The following CD86 variants were observed in gnomAD, a reference collection of about 807,000 sequenced individuals.
The protein encoded by CD86 is CD86 molecule.
In CD86, 11 loss-of-function variants were observed where a neutral mutation model predicts 32.1. The ratio of observed to expected loss-of-function variants is 0.34; its 90% CI spans 0.22 to 0.57. CD86 has a LOEUF of 0.57. CD86 is among the 20% of genes least tolerant of loss of function. The pLI is 0.86. For synonymous variants in CD86, 137 were observed against 135.3 expected (o/e 1.01, Z -0.09); for missense variants, 359 against 398.4 (o/e 0.90, Z 0.84).
At chr3:122,116,637 AC>A (rs143455691) in intron 5 of CD86, among the ~76,000 whole-genome samples, 6,352 of 152,286 alleles carry the variant, frequency 0.042, 244 homozygotes, top group African/African-American at 0.099. Flanking sequence ...GCTTCATAAT[AC>A]CAAACCTGGC....
chr3:122,099,425 T>C (rs1026616398), intron 2 of CD86, among the ~76,000 whole-genome samples: 1 of 152,118 alleles, frequency 6.6e-6, no homozygotes, highest in Non-Finnish European at 1.5e-5. Context: ...CTAAAAGCAG[T>C]AGCACAAGGT....
intron 5 of CD86, among the ~76,000 whole-genome samples, chr3:122,112,420 G>A (rs988820989): frequency 6.6e-5 from 10 of 151,866 alleles, no homozygotes; most frequent in Non-Finnish European, 8.8e-5. Context: ...AGGTTCAAGC[G>A]ATTCTCCTGC....
At chr3:122,114,236 A>G (rs949088612) in intron 5 of CD86, among the ~76,000 whole-genome samples, 5 of 151,768 alleles carry the variant, frequency 3.3e-5, no homozygotes, top group Admixed American at 1.3e-4. Context: ...GGGTGACAGA[A>G]GATCAAGATT....
Position 122,098,254 on chromosome 3 carries a change from A to G in CD86, c.65-5258A>G, listed in dbSNP as rs938994477. ...ACAGAATGCCCAGGATGCTATCTTC[A>G]ATAGAATGGTTAGAGAAATCTCCCT... On this transcript the variant is annotated intron_variant, in intron 2 of 6. Transcript: ENST00000330540. Among the ~76,000 whole-genome samples, 3 of 152,366 alleles carry G rather than the reference A, an allele frequency of 2.0e-5. No individual in the cohort carries two copies. In the East Asian group the frequency reaches 5.8e-4, roughly 29 times the overall value.
At chr3:122,061,601 TAA>T (rs1157817798) in intron 1 of CD86, among the ~76,000 whole-genome samples, 1 of 152,074 alleles carries the variant, frequency 6.6e-6, no homozygotes, top group Non-Finnish European at 1.5e-5. Flanking sequence ...AACAACCATA[TAA>T]GAGAGTCAAC....
intron 2 of CD86, among the ~76,000 whole-genome samples, chr3:122,100,740 A>G (rs567152854): frequency 6.6e-6 from 1 of 152,302 alleles, no homozygotes; most frequent in South Asian, 2.1e-4. Flanking sequence ...TTACGAAGGC[A>G]TCTAGCTGGA....
chr3:122,087,119 C>T (rs530682891), intron 1 of CD86, among the ~76,000 whole-genome samples: 1 of 152,268 alleles, frequency 6.6e-6, no homozygotes, highest in Admixed American at 6.5e-5. Flanking sequence ...TCTGATGGGC[C>T]AGACATACAA....
intron 2 of CD86, among the ~76,000 whole-genome samples, chr3:122,102,711 T>C (rs2073030557): frequency 6.6e-6 from 1 of 152,144 alleles, no homozygotes; most frequent in African/African-American, 2.4e-5. Context: ...TTTTCAGCAT[T>C]TCACTCATGT....
At chr3:122,115,159 G>A (rs1167212770) in intron 5 of CD86, among the ~76,000 whole-genome samples, 1 of 152,130 alleles carries the variant, frequency 6.6e-6, no homozygotes, top group Non-Finnish European at 1.5e-5. Context: ...ATAAGTGAGT[G>A]TAGCAAAGAC....
At chr3:122,098,903 C>T (rs1377667363) in intron 2 of CD86, among the ~76,000 whole-genome samples, 2 of 152,066 alleles carry the variant, frequency 1.3e-5, no homozygotes, top group East Asian at 1.9e-4. Context: ...GGGGAGCATT[C>T]CTTGAGATAG....
intron 5 of CD86, among the ~76,000 whole-genome samples, chr3:122,117,055 T>C (rs530293150): frequency 1.1e-4 from 16 of 152,204 alleles, no homozygotes; most frequent in African/African-American, 3.6e-4. Flanking sequence ...ATTGTTTTTA[T>C]CTTTTATTTT....
chr3:122,112,558 G>A (rs532224505), intron 5 of CD86, among the ~76,000 whole-genome samples: 23 of 152,166 alleles, frequency 1.5e-4, no homozygotes, highest in South Asian at 1.0e-3. Flanking sequence ...CTCGTGATCC[G>A]TTTTTAACCA....
At chr3:122,055,580 C>A in intron 1 of CD86, 77 bp downstream of exon 1, 3 of 1,316,262 alleles carry the variant, frequency 2.3e-6, no homozygotes, top group Non-Finnish European at 3.3e-6. Flanking sequence ...GAAGATGGTG[C>A]TTTGATGTGT....
chr3:122,106,281 G>A lies in CD86; in HGVS notation c.484G>A (p.Gly162Ser). ...YINLTCSSIHGYPEPKKMSVL... is the reference protein window; with the variant it reads ...YINLTCSSIHSYPEPKKMSVL... ...AAATTTGACCTGCTCATCTATACAC[G>A]GTTACCCAGAACCTAAGAAGATGAG... Residue 162 changes from glycine (G) to serine (S), a missense_variant, in exon 4 of 7, where the codon GGT becomes AGT. Physicochemically the swap from Gly to Ser is moderately conservative, Grantham distance 56. Transcript: ENST00000330540. 4 of 1,613,666 alleles carry A rather than the reference G, an allele frequency of 2.5e-6. No homozygotes were observed. The highest frequency in any genetic ancestry group is 1.1e-5 in the South Asian group (1 of 91,060).
At chr3:122,066,895 G>A (rs1440746516) in intron 1 of CD86, among the ~76,000 whole-genome samples, 1 of 152,110 alleles carries the variant, frequency 6.6e-6, no homozygotes, top group African/African-American at 2.4e-5. Flanking sequence ...AGGGACTAAG[G>A]AAGATAAAGA....
chr3:122,055,561 G>A, intron 1 of CD86, 58 bp downstream of exon 1: 2 of 1,526,164 alleles, frequency 1.3e-6, no homozygotes, highest in Non-Finnish European at 1.8e-6. Flanking sequence ...GCAGTGAAAG[G>A]CTGAGGTTGA....
chr3:122,063,026 A>C (rs1376285667), intron 1 of CD86, among the ~76,000 whole-genome samples: 1 of 152,208 alleles, frequency 6.6e-6, no homozygotes, highest in Non-Finnish European at 1.5e-5. Flanking sequence ...GGTGAAAGTC[A>C]AGCAACAAAG....
chr3:122,100,625 A>G (rs1216500771), intron 2 of CD86, among the ~76,000 whole-genome samples: 2 of 152,198 alleles, frequency 1.3e-5, no homozygotes, highest in African/African-American at 4.8e-5. Flanking sequence ...GGGGTCAGAG[A>G]CTTCATAAGG....
chr3:122,066,507 C>T (rs1348264815), intron 1 of CD86, among the ~76,000 whole-genome samples: 1 of 152,142 alleles, frequency 6.6e-6, no homozygotes, highest in Non-Finnish European at 1.5e-5. Flanking sequence ...CTGCTAAAAG[C>T]TTGAGGGTCA....
Sources: allele counts gnomAD v4.1 joint callset (sites outside exome capture counted in the v4.1 genomes callset), GRCh38; gene constraint gnomAD v4.1.1; transcripts MANE v1.5; gene names NCBI Gene and HGNC (gene_info 2026-07-23, HGNC 2026-07-21).